Variants in CDH12 observed in about 807,000 individuals in gnomAD.
The protein encoded by CDH12 is cadherin 12, also known as cadherin-12.
A neutral mutation model predicts 74.1 loss-of-function variants in CDH12; 41 were observed. The ratio of observed to expected loss-of-function variants is 0.55; its 90% confidence interval spans 0.43 to 0.72. The LOEUF (loss-of-function observed/expected upper bound fraction) is 0.72, where lower values mean the gene tolerates loss of function less well. CDH12 is among the 30% of genes least tolerant of loss of function. CDH12 has a pLI of 0.00. For synonymous variants in CDH12, 399 were observed against 355.0 expected, an observed-to-expected ratio of 1.12 and a Z score of -1.39; for missense variants, 945 against 977.2, an observed-to-expected ratio of 0.97 and a Z score of 0.44.
chr5:22,687,105 C>T (rs1363649324), intron 1 of CDH12, among the ~76,000 whole-genome samples: 2 of 151,926 alleles, frequency 1.3e-5, no homozygotes, highest in African/African-American at 4.8e-5. Context: ...ACCACTCTGA[C>T]CAATATGGTG....
chr5:22,149,201 C>T (rs1747411433), intron 4 of CDH12, among the ~76,000 whole-genome samples: 1 of 152,172 alleles, frequency 6.6e-6, no homozygotes, highest in African/African-American at 2.4e-5. Flanking sequence ...TTGACTACAT[C>T]TCAAAAGACC....
At chr5:22,636,530 A>T (rs1738849863) in intron 1 of CDH12, among the ~76,000 whole-genome samples, 1 of 152,234 alleles carries the variant, frequency 6.6e-6, no homozygotes, top group Non-Finnish European at 1.5e-5. Flanking sequence ...TAGATGTACA[A>T]TGAAAATGTT....
chr5:21,775,736 A>T lies in CDH12; in HGVS notation c.1393+7622T>A, dbSNP rs552777172. Reference sequence around the variant, plus strand: ...CTTCAAAGTAATTTTTTTTAAAAAAATAATTACTTATTATATTCTTTCTGG... The same window carrying T: ...CTTCAAAGTAATTTTTTTTAAAAAATTAATTACTTATTATATTCTTTCTGG... On this transcript the variant is annotated intron_variant, in intron 11 of 14. Coordinates refer to ENST00000382254, the MANE Select transcript of CDH12 (RefSeq NM_004061.5). Among the ~76,000 whole-genome samples the T allele has an allele frequency of 2.7e-3, 417 of 152,174 alleles. 5 individuals carry two copies. The highest frequency in any genetic ancestry group is 9.6e-3 in the African/African-American group (397 of 41,532).
intron 6 of CDH12, among the ~76,000 whole-genome samples, chr5:21,878,350 T>A (rs1469204099): frequency 6.6e-6 from 1 of 152,162 alleles, no homozygotes; most frequent in East Asian, 1.9e-4. Context: ...AATTAAACTT[T>A]ATTATATTTC....
At chr5:22,746,309 C>T (rs539835687) in intron 1 of CDH12, among the ~76,000 whole-genome samples, 13 of 152,194 alleles carry the variant, frequency 8.5e-5, no homozygotes, top group African/African-American at 2.9e-4. Flanking sequence ...AATCCCACAA[C>T]AATAACAACA....
intron 2 of CDH12, among the ~76,000 whole-genome samples, chr5:22,454,015 A>T (rs1223043789): frequency 6.6e-6 from 1 of 152,168 alleles, no homozygotes; most frequent in African/African-American, 2.4e-5. Context: ...AATAAGTAAA[A>T]AATGGAGCAA....
intron 1 of CDH12, chr5:22,580,706 TTGTC>T: frequency 2.8e-6 from 1 of 358,604 alleles, no homozygotes; most frequent in Non-Finnish European, 5.6e-6. Context: ...TTCCCTGTGT[TTGTC>T]AGCTTTCCAA....
At chr5:22,551,641 T>TA (rs1345289966) in intron 1 of CDH12, among the ~76,000 whole-genome samples, 2 of 152,068 alleles carry the variant, frequency 1.3e-5, no homozygotes, top group Non-Finnish European at 2.9e-5. Flanking sequence ...ATGTTTATCA[T>TA]AAAAAACATG....
chr5:22,035,344 G>T (rs1336433102), intron 5 of CDH12, among the ~76,000 whole-genome samples: 1 of 151,918 alleles, frequency 6.6e-6, no homozygotes, highest in African/African-American at 2.4e-5. Flanking sequence ...TATAAATTAG[G>T]TGCAGTGGCC....
chr5:21,878,372 G>A (rs544236885), intron 6 of CDH12, among the ~76,000 whole-genome samples: 1 of 152,210 alleles, frequency 6.6e-6, no homozygotes, highest in South Asian at 2.1e-4. Flanking sequence ...TATGCCTTCT[G>A]ATCCAAATTC....
chr5:22,598,958 G>T (rs985916736), intron 1 of CDH12, among the ~76,000 whole-genome samples: 3 of 152,082 alleles, frequency 2.0e-5, no homozygotes, highest in Admixed American at 1.3e-4. Context: ...TATTCTAAGT[G>T]ATAATATTGC....
intron 4 of CDH12, among the ~76,000 whole-genome samples, chr5:22,154,206 T>C (rs1018990084): frequency 1.1e-4 from 17 of 150,988 alleles, no homozygotes; most frequent in Admixed American, 5.3e-4. Context: ...AGTTAACATA[T>C]ACATCACCTC....
At chr5:22,545,086 G>C (rs2126724823) in intron 1 of CDH12, among the ~76,000 whole-genome samples, 1 of 152,264 alleles carries the variant, frequency 6.6e-6, no homozygotes, top group East Asian at 1.9e-4. Flanking sequence ...GTTTTTACAA[G>C]ATGCCTCTGG....
intron 5 of CDH12, among the ~76,000 whole-genome samples, chr5:22,009,807 A>G (rs888605708): frequency 1.3e-5 from 2 of 151,846 alleles, no homozygotes; most frequent in Non-Finnish European, 2.9e-5. Flanking sequence ...GCAAAACCTC[A>G]TCTTTACTAA....
intron 6 of CDH12, among the ~76,000 whole-genome samples, chr5:21,880,608 CTTCCTTCCTTCTTTCTTTCTTTCTTTCT>C (rs1488304299): frequency 6.1e-5 from 4 of 65,680 alleles, no homozygotes; most frequent in African/African-American, 1.3e-4. Context: ...TCCTTCCTTC[CTTCCTTCCTTCTTTCTTTCTTTCTTTCT>C]TTCTTTCTTT....
At chr5:22,206,447 A>G (rs1415375102) in intron 4 of CDH12, among the ~76,000 whole-genome samples, 3 of 152,064 alleles carry the variant, frequency 2.0e-5, no homozygotes, top group Non-Finnish European at 4.4e-5. Context: ...CGTTTTTGTC[A>G]GAATCAACTG....
intron 4 of CDH12, among the ~76,000 whole-genome samples, chr5:22,174,784 T>C (rs534823354): frequency 6.6e-6 from 1 of 152,062 alleles, no homozygotes; most frequent in East Asian, 1.9e-4. Flanking sequence ...TGATAAAAAG[T>C]TGCAAATATG....
chr5:21,760,112 C>G (rs147123311), intron 13 of CDH12, among the ~76,000 whole-genome samples: 1 of 152,148 alleles, frequency 6.6e-6, no homozygotes, highest in African/African-American at 2.4e-5. Flanking sequence ...TAGGTCGATT[C>G]TGTCTTTGCT....
chr5:21,966,249 C>T (rs1756579905), intron 6 of CDH12, among the ~76,000 whole-genome samples: 2 of 148,690 alleles, frequency 1.3e-5, no homozygotes, highest in South Asian at 2.2e-4. Flanking sequence ...GTTGGCCTTA[C>T]CTTAATCTCC....
Sources: allele counts gnomAD v4.1 joint callset (sites outside exome capture counted in the v4.1 genomes callset), GRCh38; gene constraint gnomAD v4.1.1; transcripts MANE v1.5; gene names NCBI Gene and HGNC (gene_info 2026-07-23, HGNC 2026-07-21).